The following EFHD1 variants were observed in gnomAD, a reference collection of about 807,000 sequenced individuals.
The protein encoded by EFHD1 is EF-hand domain-containing protein D1.
In EFHD1, 10 loss-of-function variants were observed where a neutral mutation model predicts 17.2. The observed-to-expected ratio is 0.58, with a 90% CI of 0.36 to 0.99. The LOEUF (loss-of-function observed/expected upper bound fraction) is 0.99. Among genes scored for constraint, EFHD1 ranks in the 50% least tolerant of loss-of-function variants. EFHD1 has a pLI of 0.01. For missense variants in EFHD1, 310 were observed against 327.5 expected (o/e 0.95, Z 0.41); for synonymous variants, 153 against 142.0 (o/e 1.08, Z -0.55).
At chr2:232,647,482 C>T (rs1694554069) in intron 1 of EFHD1, among the ~76,000 whole-genome samples, 1 of 152,198 alleles carries the variant, frequency 6.6e-6, no homozygotes, top group South Asian at 2.1e-4. Flanking sequence ...GCTGGAACTG[C>T]ACCAGGCACA....
At chr2:232,672,470 A>G in intron 3 of EFHD1, 27 bp downstream of exon 3, 1 of 1,561,192 alleles carries the variant, frequency 6.4e-7, no homozygotes, top group South Asian at 1.2e-5. Context: ...TTCTGTGAGG[A>G]GCAACCACTC....
At chr2:232,669,336 C>T (rs530871909) in intron 2 of EFHD1, among the ~76,000 whole-genome samples, 12 of 152,294 alleles carry the variant, frequency 7.9e-5, no homozygotes, top group East Asian at 1.9e-4. Flanking sequence ...TCGGCCTCTC[C>T]GTGGGCATCT....
chr2:232,642,828 T>C (rs1210957323), intron 1 of EFHD1, among the ~76,000 whole-genome samples: 1 of 152,126 alleles, frequency 6.6e-6, no homozygotes, highest in Non-Finnish European at 1.5e-5. Flanking sequence ...TCCAGCTGGT[T>C]GGGTGCATGT....
chr2:232,667,698 A>G (rs1186042654), intron 2 of EFHD1, among the ~76,000 whole-genome samples: 1 of 152,018 alleles, frequency 6.6e-6, no homozygotes, highest in Non-Finnish European at 1.5e-5. Context: ...GATTACAAGC[A>G]TGCGGCACCA....
chr2:232,630,081 C>G (rs954968894), upstream of EFHD1, among the ~76,000 whole-genome samples: 1 of 152,172 alleles, frequency 6.6e-6, no homozygotes, highest in Non-Finnish European at 1.5e-5. Context: ...TCCCAGGTAG[C>G]TGGGACTACA....
chr2:232,681,501 T>A, intron 3 of EFHD1, 84 bp from the exon 4 acceptor site: 1 of 1,539,284 alleles, frequency 6.5e-7, no homozygotes, highest in Admixed American at 1.9e-5. Context: ...GTCTGCTGAA[T>A]GGGCTGTTGG....
intron 1 of EFHD1, among the ~76,000 whole-genome samples, chr2:232,660,258 G>C (rs1366040952): frequency 1.3e-5 from 2 of 151,310 alleles, no homozygotes; most frequent in South Asian, 2.1e-4. Context: ...GCAGTGGCAC[G>C]ACCTCGGCTT....
At chr2:232,640,977 G>A (rs184757582) in intron 1 of EFHD1, among the ~76,000 whole-genome samples, 22 of 152,340 alleles carry the variant, frequency 1.4e-4, no homozygotes, top group Non-Finnish European at 2.5e-4. Flanking sequence ...GGAGGGCAGT[G>A]AGGGCTCAAG....
intron 1 of EFHD1, among the ~76,000 whole-genome samples, chr2:232,614,057 T>TATACACACATGCACACACATACATATAC (rs1553594267): frequency 6.7e-6 from 1 of 149,892 alleles, no homozygotes; most frequent in African/African-American, 2.5e-5. Flanking sequence ...CACACATACA[T>TATACACACATGCACACACATACATATAC]ACACATGCAC....
chr2:232,606,924 T>A (rs1693724915), intron 1 of EFHD1, among the ~76,000 whole-genome samples: 1 of 145,036 alleles, frequency 6.9e-6, no homozygotes, highest in South Asian at 2.2e-4. Flanking sequence ...TAAAAAAAAA[T>A]AAAGTTGGGG....
chr2:232,610,171 CTGTT>C (rs1458127450), intron 1 of EFHD1, among the ~76,000 whole-genome samples: 2 of 152,352 alleles, frequency 1.3e-5, no homozygotes, highest in East Asian at 3.9e-4. Context: ...GTGTCTGTCC[CTGTT>C]TGTTTATATC....
At chr2:232,671,583 G>T (rs780099570) in intron 2 of EFHD1, among the ~76,000 whole-genome samples, 4 of 151,394 alleles carry the variant, frequency 2.6e-5, no homozygotes, top group Admixed American at 2.6e-4. Context: ...AAAAATTAGC[G>T]AGGCATGATG....
At position 232,617,929 on chromosome 2, in the gene EFHD1, G is replaced by A. The variant is rs1057467647; in HGVS notation, c.14+11756G>A. On this transcript the variant is annotated intron_variant, in intron 1 of 3. Coordinates refer to the EFHD1 transcript ENST00000409613. ...GTGCCACGGCACTCCAGCCTGGGTG[G>A]CAGAACAAGACTCAGTCTAAAAAAA... Among the ~76,000 whole-genome samples the A allele has an allele frequency of 4.2e-5, 6 of 143,548 alleles. No homozygotes were observed. In the Admixed American group the frequency reaches 4.4e-4, roughly 10 times the overall value. 94.2% of individuals were successfully genotyped at this position (143,548 alleles called of 152,430 possible). A position where few individuals can be genotyped will look rare whatever the true frequency, so the allele number is the denominator to read the frequency against.
rs1695304331 is a variant in EFHD1, at chr2:232,682,378, CTA to C, written c.*661_*662del. On this transcript the variant is annotated 3_prime_UTR_variant, in exon 4 of 4. Coordinates refer to ENST00000264059, the MANE Select transcript of EFHD1 (RefSeq NM_025202.4). ...TCCCTCCCTCTTCACCTTGCTCCGT[CTA>C]TGTCTTCCCAGCTCAGCCTTTTCCC... 1 of 152,614 alleles carries C rather than the reference CTA, an allele frequency of 6.6e-6. No homozygotes were observed. The highest frequency in any genetic ancestry group is 2.4e-5 in the African/African-American group (1 of 41,450). The allele number at this position is 152,614 out of a possible 1,614,324, so 9.5% of individuals were successfully genotyped here.
intron 1 of EFHD1, among the ~76,000 whole-genome samples, chr2:232,634,387 C>T (rs1490465428): frequency 6.6e-6 from 1 of 152,004 alleles, no homozygotes; most frequent in African/African-American, 2.4e-5. Flanking sequence ...TTCACTGTAT[C>T]CCCCCAAGGG....
rs570223048 is a variant in EFHD1 at position 232,647,438 on chromosome 2, C to G, written c.302+13432C>G. On this transcript the variant is annotated intron_variant, in intron 1 of 3. Coordinates refer to ENST00000264059, the MANE Select transcript of EFHD1 (RefSeq NM_025202.4). ...ACTGCACACCCCCTCGTCGGGGCCT[C>G]CCTCTGGCCGTTTCCTTCCCTGACC... Among the ~76,000 whole-genome samples, 29 of 152,332 alleles carry G rather than the reference C, an allele frequency of 1.9e-4. No homozygotes were observed. The South Asian group carries it at 5.8e-3, about 30-fold the overall frequency.
intron 1 of EFHD1, among the ~76,000 whole-genome samples, chr2:232,615,331 G>GTA (rs1693907518): frequency 8.0e-6 from 1 of 124,390 alleles, no homozygotes; most frequent in Non-Finnish European, 1.9e-5. Context: ...GTGTGTGTGT[G>GTA]TGTGTGTGTG....
intron 1 of EFHD1, among the ~76,000 whole-genome samples, chr2:232,643,620 A>G (rs1694472985): frequency 6.6e-6 from 1 of 151,530 alleles, no homozygotes; most frequent in Non-Finnish European, 1.5e-5. Flanking sequence ...TCCTGGGCTC[A>G]AGCAGTCTGC....
chr2:232,627,216 A>G (rs990137870), intron 1 of EFHD1, among the ~76,000 whole-genome samples: 9 of 150,540 alleles, frequency 6.0e-5, no homozygotes, highest in African/African-American at 2.2e-4. Flanking sequence ...TTGTGACAGA[A>G]TGAAACCCTG....
Sources: allele counts gnomAD v4.1 joint callset (sites outside exome capture counted in the v4.1 genomes callset), GRCh38; gene constraint gnomAD v4.1.1; transcripts MANE v1.5; gene names NCBI Gene and HGNC (gene_info 2026-07-23, HGNC 2026-07-21).